The following GLRA1 variants were observed in gnomAD, a reference collection of about 807,000 sequenced individuals.
GLRA1 encodes glycine receptor subunit alpha-1.
Under a neutral mutation model 48.3 loss-of-function variants are expected in GLRA1, and 37 were observed. The ratio of observed to expected loss-of-function variants is 0.77; its 90% CI spans 0.59 to 1.01. The LOEUF is 1.01. GLRA1 is among the 50% of genes least tolerant of loss of function. The pLI, the probability that GLRA1 is intolerant of heterozygous loss-of-function variation, is 0.00. For missense variants in GLRA1, 427 were observed against 571.0 expected (o/e 0.75, Z 2.57); for synonymous variants, 196 against 210.7 (o/e 0.93, Z 0.60).
At chr5:151,905,686 A>C (rs769850727) in intron 1 of GLRA1, among the ~76,000 whole-genome samples, 3 of 152,092 alleles carry the variant, frequency 2.0e-5, no homozygotes, top group African/African-American at 7.2e-5. Context: ...CTGTCATTGA[A>C]AATTAATTCT....
At chr5:151,824,140 G>A (rs920786357) in intron 8 of GLRA1, among the ~76,000 whole-genome samples, 1 of 151,214 alleles carries the variant, frequency 6.6e-6, no homozygotes, top group Non-Finnish European at 1.5e-5. Context: ...CTGTAGGGTA[G>A]GCCACCTTCT....
chr5:151,890,034 C>T (rs1173589019), intron 2 of GLRA1, among the ~76,000 whole-genome samples: 1 of 151,994 alleles, frequency 6.6e-6, no homozygotes, highest in African/African-American at 2.4e-5. Flanking sequence ...TTGGACGGAC[C>T]TTGATTCAGT....
At chr5:151,837,106 TAAAC>T (rs1202055735) in intron 7 of GLRA1, among the ~76,000 whole-genome samples, 5 of 152,252 alleles carry the variant, frequency 3.3e-5, no homozygotes, top group Middle Eastern at 3.4e-3. Flanking sequence ...ATAAAGAACT[TAAAC>T]AAATTTATAA....
At chr5:151,904,200 G>A (rs974425051) in intron 1 of GLRA1, among the ~76,000 whole-genome samples, 3 of 152,120 alleles carry the variant, frequency 2.0e-5, no homozygotes, top group Non-Finnish European at 2.9e-5. Flanking sequence ...GAGCTCTAGG[G>A]TCGTTGCTGA....
intron 1 of GLRA1, among the ~76,000 whole-genome samples, chr5:151,893,950 C>T (rs1019464366): frequency 1.3e-5 from 2 of 152,132 alleles, no homozygotes; most frequent in African/African-American, 4.8e-5. Context: ...ACTCTTAAAG[C>T]ATATAGATTT....
intron 8 of GLRA1, among the ~76,000 whole-genome samples, chr5:151,824,785 C>T (rs945571532): frequency 1.3e-5 from 2 of 152,068 alleles, no homozygotes; most frequent in South Asian, 2.1e-4. Flanking sequence ...TCTTGATTAG[C>T]GTCTGTCTCT....
intron 1 of GLRA1, among the ~76,000 whole-genome samples, chr5:151,922,785 T>C (rs1466421134): frequency 1.3e-5 from 2 of 152,200 alleles, no homozygotes; most frequent in African/African-American, 2.4e-5. Flanking sequence ...AAATCAAGCA[T>C]TGCATACTGC....
At chr5:151,912,332 TC>T (rs1754638469) in intron 1 of GLRA1, among the ~76,000 whole-genome samples, 1 of 148,294 alleles carries the variant, frequency 6.7e-6, no homozygotes, top group South Asian at 2.2e-4. Context: ...CTGAGGTAAG[TC>T]CATACTTTCT....
At chr5:151,875,202 G>C (rs1753593186) in intron 3 of GLRA1, among the ~76,000 whole-genome samples, 1 of 151,998 alleles carries the variant, frequency 6.6e-6, no homozygotes, top group African/African-American at 2.4e-5. Context: ...TTGGGGTCTT[G>C]CTTTGTTGCC....
At chr5:151,851,679 G>T in intron 6 of GLRA1, 75 bp from the exon 7 acceptor site, 1 of 960,282 alleles carries the variant, frequency 1.0e-6, no homozygotes, top group Non-Finnish European at 1.7e-6. Context: ...GAACAACCTC[G>T]GCTAGAGTCC....
chr5:151,847,725 CAA>C (rs769363716), intron 7 of GLRA1, among the ~76,000 whole-genome samples: 5 of 87,620 alleles, frequency 5.7e-5, no homozygotes, highest in Admixed American at 1.3e-4. Context: ...GACTTCGTCT[CAA>C]AAAAAAAAAA....
At chr5:151,852,740 C>T (rs1752944401) in intron 6 of GLRA1, among the ~76,000 whole-genome samples, 5 of 152,130 alleles carry the variant, frequency 3.3e-5, no homozygotes, top group Admixed American at 3.3e-4. Flanking sequence ...AGGTTGTTTC[C>T]ATATCTTGGC....
intron 3 of GLRA1, among the ~76,000 whole-genome samples, chr5:151,877,273 C>G (rs2913890): frequency 0.85 from 129,948 of 152,168 alleles, 55,650 homozygotes; most frequent in East Asian, 0.99. Context: ...AGAGCCCTTA[C>G]ATCTGCAGCA....
chr5:151,864,795 C>G (rs1277705266), intron 3 of GLRA1, among the ~76,000 whole-genome samples: 1 of 152,044 alleles, frequency 6.6e-6, no homozygotes, highest in African/African-American at 2.4e-5. Flanking sequence ...ATGAACCAGA[C>G]CTTATATTTT....
intron 1 of GLRA1, among the ~76,000 whole-genome samples, chr5:151,907,433 C>T (rs1264738784): frequency 6.6e-6 from 1 of 152,082 alleles, no homozygotes; most frequent in Non-Finnish European, 1.5e-5. Context: ...TCCCCTTAGG[C>T]AAATGACAGG....
chr5:151,914,814 C>T (rs555314176), intron 1 of GLRA1, among the ~76,000 whole-genome samples: 1 of 152,316 alleles, frequency 6.6e-6, no homozygotes, highest in African/African-American at 2.4e-5. Flanking sequence ...GAGCTCGTAT[C>T]TACTTACAGA....
intron 1 of GLRA1, among the ~76,000 whole-genome samples, chr5:151,910,097 T>C (rs1754572945): frequency 6.6e-6 from 1 of 152,180 alleles, no homozygotes; most frequent in South Asian, 2.1e-4. Flanking sequence ...AACTTCCATT[T>C]GTTCAGAAAA....
Position 151,843,256 on chromosome 5 carries a change from ATTTTTTT to A in GLRA1, c.912+8127_912+8133del, listed in dbSNP as rs34491994. Among the ~76,000 whole-genome samples, 1,156 of 120,766 alleles carry A rather than the reference ATTTTTTT, an allele frequency of 9.6e-3. 23 individuals are homozygous for A. Among genetic ancestry groups the A allele is most frequent in the African/African-American group, 0.032 (1,066 of 32,830 alleles). The allele number at this position is 120,766 out of a possible 152,430, so 79.2% of individuals were successfully genotyped here. A position where few individuals can be genotyped will look rare whatever the true frequency, so the allele number is the denominator to read the frequency against. ...TCAAAAATTGACAAGCTGCTTCTAA[ATTTTTTT>A]TTTTTTTTTTTTTTTGAGATGGAGT... On this transcript the variant is annotated intron_variant, in intron 7 of 8. Coordinates refer to ENST00000274576, the MANE Select transcript of GLRA1 (RefSeq NM_000171.4).
At chr5:151,883,534 G>A (rs572821421) in intron 3 of GLRA1, among the ~76,000 whole-genome samples, 21 of 152,186 alleles carry the variant, frequency 1.4e-4, no homozygotes, top group African/African-American at 4.8e-4. Flanking sequence ...TGTAAACTGG[G>A]GAACATAGCA....
Sources: gnomAD v4.1 joint callset for allele counts (sites outside exome capture counted in the v4.1 genomes callset) on GRCh38, gnomAD v4.1.1 for gene constraint, MANE v1.5 for transcripts, NCBI Gene and HGNC (gene_info 2026-07-23, HGNC 2026-07-21) for gene names.